The following KCNIP4 variants were observed in gnomAD, a reference collection of about 807,000 sequenced individuals.
The protein encoded by KCNIP4 is Kv channel-interacting protein 4.
A neutral mutation model predicts 34.0 loss-of-function variants in KCNIP4; 12 were observed. The ratio of observed to expected loss-of-function variants is 0.35; its 90% CI spans 0.23 to 0.57. The LOEUF (loss-of-function observed/expected upper bound fraction) is 0.57. Ranked by LOEUF, KCNIP4 falls within the 20% of genes least tolerant of loss-of-function variation. The probability of loss-of-function intolerance (pLI) is 0.83; values close to 1 mark genes in which losing one functional copy is unlikely to be tolerated. For missense variants in KCNIP4, 238 were observed against 311.7 expected (o/e 0.76, Z 1.78); for synonymous variants, 124 against 102.2 (o/e 1.21, Z -1.29).
chr4:21,922,541 A>C (rs1414078915), intron 1 of KCNIP4, among the ~76,000 whole-genome samples: 5 of 152,316 alleles, frequency 3.3e-5, no homozygotes, highest in African/African-American at 1.2e-4. Context: ...TTTTGGAGCT[A>C]ATTCTTTATT....
chr4:21,691,826 G>T (rs1342408530), intron 1 of KCNIP4, among the ~76,000 whole-genome samples: 2 of 151,038 alleles, frequency 1.3e-5, no homozygotes, highest in Non-Finnish European at 2.9e-5. Flanking sequence ...AGCCTCCTGA[G>T]TAGCTGGGAC....
At chr4:21,007,903 C>T (rs1344971854) in intron 1 of KCNIP4, among the ~76,000 whole-genome samples, 3 of 152,182 alleles carry the variant, frequency 2.0e-5, no homozygotes, top group African/African-American at 7.2e-5. Flanking sequence ...ATTTACCCTC[C>T]AAGACACTGG....
chr4:21,624,440 A>G (rs548672665), intron 1 of KCNIP4, among the ~76,000 whole-genome samples: 1 of 152,294 alleles, frequency 6.6e-6, no homozygotes, highest in Admixed American at 6.5e-5. Context: ...GGAATAGATG[A>G]CCTTCGACCT....
In KCNIP4 at chr4:21,157,103, G is replaced by T. The variant is rs553576040; in HGVS notation, c.62-274394C>A. ...GAGTAAGACATGTAACCTCGCTGAG[G>T]CTTCGTTTTACTCTCTGCAAAAGAC... On this transcript the variant is annotated intron_variant, in intron 1 of 8. Coordinates refer to ENST00000382152, the MANE Select transcript of KCNIP4 (RefSeq NM_025221.6). Among the ~76,000 whole-genome samples, 4 of 152,168 alleles carry T rather than the reference G, an allele frequency of 2.6e-5. No homozygotes were observed. The South Asian group carries it at 6.2e-4, about 24-fold the overall frequency.
chr4:20,773,560 C>T (rs1360629203), intron 3 of KCNIP4, among the ~76,000 whole-genome samples: 1 of 152,108 alleles, frequency 6.6e-6, no homozygotes. Context: ...TTGGACCAAA[C>T]ATTCTTAGGG....
chr4:20,937,222 C>CTTTTTT (rs397992488), intron 1 of KCNIP4, among the ~76,000 whole-genome samples: 7 of 45,530 alleles, frequency 1.5e-4, no homozygotes, highest in Admixed American at 2.5e-4. Flanking sequence ...CCCAAGGAGT[C>CTTTTTT]TTTTTTTTTT....
intron 1 of KCNIP4, among the ~76,000 whole-genome samples, chr4:21,246,518 C>T (rs1760214724): frequency 6.6e-6 from 1 of 152,096 alleles, no homozygotes; most frequent in African/African-American, 2.4e-5. Context: ...ACTGAAGAAC[C>T]ATTATCGATT....
chr4:20,958,417 A>C (rs933485060), intron 1 of KCNIP4, among the ~76,000 whole-genome samples: 2 of 152,216 alleles, frequency 1.3e-5, no homozygotes, highest in Admixed American at 6.5e-5. Context: ...ATTCTTTCTA[A>C]TGACTTCAAC....
intron 1 of KCNIP4, among the ~76,000 whole-genome samples, chr4:21,358,486 C>T (rs1005226044): frequency 1.3e-5 from 2 of 152,110 alleles, no homozygotes; most frequent in Admixed American, 6.6e-5. Flanking sequence ...AGAGTTATTA[C>T]ATAGCTCAAA....
chr4:20,907,187 T>C (rs1727856592), intron 1 of KCNIP4, among the ~76,000 whole-genome samples: 1 of 152,186 alleles, frequency 6.6e-6, no homozygotes, highest in Non-Finnish European at 1.5e-5. Context: ...CCCTTGAGGT[T>C]TATGATAATG....
intron 1 of KCNIP4, among the ~76,000 whole-genome samples, chr4:21,424,794 T>C (rs973463800): frequency 1.3e-5 from 2 of 152,204 alleles, no homozygotes; most frequent in African/African-American, 2.4e-5. Context: ...TCTCCACTAT[T>C]ATATCATTTT....
chr4:21,258,097 A>G (rs1761199802), intron 1 of KCNIP4, among the ~76,000 whole-genome samples: 1 of 152,164 alleles, frequency 6.6e-6, no homozygotes, highest in Non-Finnish European at 1.5e-5. Context: ...GCCTTTCCAA[A>G]CACTTTCTCA....
At chr4:21,348,342 G>C (rs769329212) in intron 1 of KCNIP4, among the ~76,000 whole-genome samples, 5 of 152,186 alleles carry the variant, frequency 3.3e-5, no homozygotes, top group African/African-American at 4.8e-5. Context: ...AATAGACACA[G>C]TTGTCTCTGC....
intron 1 of KCNIP4, among the ~76,000 whole-genome samples, chr4:21,501,911 C>G (rs1733389916): frequency 6.6e-6 from 1 of 151,784 alleles, no homozygotes; most frequent in African/African-American, 2.4e-5. Context: ...CTCTCCATAG[C>G]TCTCTGTCAC....
In KCNIP4 at chr4:21,269,806, T is replaced by C. The variant is rs113692371; in HGVS notation, c.62-387097A>G. ...TCAAAAGTTGGGGGGAAGAAAAGGA[T>C]GGCAGCTGCATAGAAAGAACAGGGA... On this transcript the variant is annotated intron_variant, in intron 1 of 8. Transcript: ENST00000382152. Among the ~76,000 whole-genome samples the C allele has an allele frequency of 1.3e-5, 2 of 152,258 alleles. 1 individual carries two copies. Among genetic ancestry groups the C allele is most frequent in the African/African-American group, 4.8e-5 (2 of 41,548 alleles).
intron 1 of KCNIP4, among the ~76,000 whole-genome samples, chr4:21,526,569 T>A (rs1166816135): frequency 6.6e-6 from 1 of 152,026 alleles, no homozygotes; most frequent in Non-Finnish European, 1.5e-5. Context: ...TCTATTCATA[T>A]ATATAGATTT....
intron 1 of KCNIP4, among the ~76,000 whole-genome samples, chr4:21,020,894 A>G (rs1739972490): frequency 6.6e-6 from 1 of 152,164 alleles, no homozygotes; most frequent in South Asian, 2.1e-4. Context: ...AGACAATTTG[A>G]GTAGGTCAAG....
chr4:20,867,085 A>G (rs1270624494), intron 2 of KCNIP4, among the ~76,000 whole-genome samples: 16 of 152,130 alleles, frequency 1.1e-4, no homozygotes, highest in African/African-American at 3.4e-4. Flanking sequence ...ATACTGCCCA[A>G]TGCAATTTAT....
chr4:21,448,862 T>TA (rs1453665096), intron 1 of KCNIP4, among the ~76,000 whole-genome samples: 1 of 152,148 alleles, frequency 6.6e-6, no homozygotes, highest in Non-Finnish European at 1.5e-5. Flanking sequence ...CTGACATATA[T>TA]AGGAGGTCCA....
Sources: gnomAD v4.1 joint callset for allele counts (sites outside exome capture counted in the v4.1 genomes callset) on GRCh38, gnomAD v4.1.1 for gene constraint, MANE v1.5 for transcripts, NCBI Gene and HGNC (gene_info 2026-07-23, HGNC 2026-07-21) for gene names.